NRXN3: variants seen among roughly 807,000 people sequenced by gnomAD.
NRXN3 encodes neurexin 3, also known as neurexin III.
In NRXN3, 32 loss-of-function variants were observed where a neutral mutation model predicts 137.6. That is an observed-to-expected ratio of 0.23 (90% CI 0.18 to 0.31). The LOEUF (loss-of-function observed/expected upper bound fraction) is 0.31, where lower values mean the gene tolerates loss of function less well. Among genes scored for constraint, NRXN3 ranks in the 10% least tolerant of loss-of-function variants. The pLI is 1.00. For missense variants in NRXN3, 1,574 were observed against 2,062.5 expected (o/e 0.76, Z 4.59); for synonymous variants, 798 against 784.5 (o/e 1.02, Z -0.29).
chr14:78,605,729 C>A (rs1451601475), intron 4 of NRXN3, among the ~76,000 whole-genome samples: 3 of 151,742 alleles, frequency 2.0e-5, no homozygotes, highest in Non-Finnish European at 4.4e-5. Context: ...AAAAATAAAA[C>A]AAAAAGAAGA....
chr14:79,624,806 TGTTTTTG>T (rs2098265746), intron 16 of NRXN3, among the ~76,000 whole-genome samples: 7 of 146,632 alleles, frequency 4.8e-5, no homozygotes, highest in African/African-American at 1.8e-4. Flanking sequence ...TTTTTTTGTT[TGTTTTTG>T]TTTTTTTTTA....
At chr14:79,800,994 G>A (rs2099177420) in intron 19 of NRXN3, among the ~76,000 whole-genome samples, 1 of 152,198 alleles carries the variant, frequency 6.6e-6, no homozygotes, top group Non-Finnish European at 1.5e-5. Flanking sequence ...TAAGGCCTCT[G>A]GCAGAGGAAG....
intron 4 of NRXN3, among the ~76,000 whole-genome samples, chr14:78,309,043 C>A (rs1041834525): frequency 1.2e-4 from 19 of 152,118 alleles, no homozygotes; most frequent in African/African-American, 4.6e-4. Context: ...AAACTCAAAT[C>A]AAATAGAGGC....
Position 78,197,742 on chromosome 14 carries a change from C to T in NRXN3, c.-704+27068C>T, listed in dbSNP as rs370661061. On this transcript the variant is annotated intron_variant, in intron 1 of 20. Transcript: ENST00000335750. Reference sequence around the variant, plus strand: ...GGGTATTCATGACCAAGTATTACTCCTTGGAGACATTACTGGGGTCATTTT... The same window carrying T: ...GGGTATTCATGACCAAGTATTACTCTTTGGAGACATTACTGGGGTCATTTT... Among the ~76,000 whole-genome samples, 19 of 152,298 alleles carry T rather than the reference C, an allele frequency of 1.2e-4. 1 individual carries two copies. The highest frequency in any genetic ancestry group is 1.2e-3 in the East Asian group (6 of 5,182).
intron 16 of NRXN3, among the ~76,000 whole-genome samples, chr14:79,483,441 G>C (rs1337951923): frequency 6.6e-6 from 1 of 152,202 alleles, no homozygotes; most frequent in Non-Finnish European, 1.5e-5. Context: ...TGGTGTCCCA[G>C]CACTTTGGGA....
intron 19 of NRXN3, among the ~76,000 whole-genome samples, chr14:79,784,599 CTTTTTGTTGTGTTGCTTTTTT>C (rs2099123552): frequency 8.7e-6 from 1 of 114,524 alleles, no homozygotes; most frequent in Non-Finnish European, 1.8e-5. Flanking sequence ...TTTGTAGGTA[CTTTTTGTTGTGTTGCTTTTTT>C]TTTTTTTTTT....
intron 15 of NRXN3, among the ~76,000 whole-genome samples, chr14:79,093,879 T>C (rs1415546329): frequency 1.3e-5 from 2 of 148,446 alleles, no homozygotes; most frequent in African/African-American, 5.0e-5. Flanking sequence ...TGACGAGTCA[T>C]ATATCATTCT....
intron 15 of NRXN3, among the ~76,000 whole-genome samples, chr14:79,100,636 G>T (rs921723870): frequency 2.0e-5 from 3 of 152,016 alleles, no homozygotes; most frequent in Non-Finnish European, 4.4e-5. Flanking sequence ...TTCTTGGTCT[G>T]CAGAGCTGCT....
In NRXN3 at chr14:78,966,106, T is replaced by G. The variant is rs763359846; in HGVS notation, c.2477T>G (p.Val826Gly). ...ATGACTGAGAAACGCTACATCTCCG[T>G]TGTCCCCTCCAGCTTTATTGGCCAT... The part of the protein sequence containing the change: ...GIMTEKRYIS[V>G]VPSSFIGHLQ... Residue 826 changes from valine to glycine, a missense_variant, in exon 12 of 21, where the codon GTT (valine) becomes GGT (glycine). Val to Gly is a moderately radical substitution (Grantham distance 109, BLOSUM62 -3). Around this residue, in one of 5 missense-constraint regions of NRXN3, gnomAD observed 718 missense variants for 887.6 expected, o/e 0.81. Coordinates refer to ENST00000335750, the MANE Select transcript of NRXN3 (RefSeq NM_001330195.2). 1.2e-6 allele frequency: 2 copies of G among 1,614,204 alleles called. No individual in the cohort carries two copies. Among genetic ancestry groups the G allele is most frequent in the Non-Finnish European group, 1.7e-6 (2 of 1,180,026 alleles).
chr14:78,753,603 A>T (rs1316690539), intron 8 of NRXN3: 2 of 152,204 alleles, frequency 1.3e-5, no homozygotes, highest in Non-Finnish European at 2.9e-5. Context: ...TTGAATGGTA[A>T]CTTGGGTCTA....
At chr14:78,327,607 C>A (rs1473366117) in intron 4 of NRXN3, among the ~76,000 whole-genome samples, 1 of 152,174 alleles carries the variant, frequency 6.6e-6, no homozygotes, top group East Asian at 1.9e-4. Context: ...TTGACTGATT[C>A]ATTTATTCAC....
chr14:78,395,347 T>TTTGTTG (rs767595257), intron 4 of NRXN3, among the ~76,000 whole-genome samples: 2 of 151,944 alleles, frequency 1.3e-5, no homozygotes, highest in Non-Finnish European at 2.9e-5. Flanking sequence ...TTTACTTGTT[T>TTTGTTG]TTGTTGTTGT....
intron 8 of NRXN3, among the ~76,000 whole-genome samples, chr14:78,783,848 C>T (rs1430811815): frequency 2.0e-5 from 3 of 151,994 alleles, no homozygotes; most frequent in African/African-American, 7.3e-5. Flanking sequence ...AAAGGGTGGT[C>T]ATCTTACCTG....
intron 20 of NRXN3, among the ~76,000 whole-genome samples, chr14:79,807,019 C>T (rs1278623159): frequency 5.4e-5 from 6 of 110,764 alleles, no homozygotes; most frequent in Non-Finnish European, 1.0e-4. Flanking sequence ...ACTCTGTCAC[C>T]TAGGCTGGAG....
chr14:79,426,581 T>G (rs915645530), intron 15 of NRXN3, among the ~76,000 whole-genome samples: 2 of 152,212 alleles, frequency 1.3e-5, no homozygotes, highest in Non-Finnish European at 2.9e-5. Context: ...CAGCCACCTA[T>G]AAAAACCAAC....
chr14:79,779,667 C>G (rs1253641878), intron 19 of NRXN3, among the ~76,000 whole-genome samples: 4 of 152,112 alleles, frequency 2.6e-5, no homozygotes, highest in Admixed American at 2.6e-4. Flanking sequence ...ACTCTCTCTA[C>G]CCCCATCCCA....
At chr14:78,480,604 T>A (rs1233437018) in intron 4 of NRXN3, among the ~76,000 whole-genome samples, 1 of 152,200 alleles carries the variant, frequency 6.6e-6, no homozygotes, top group African/African-American at 2.4e-5. Context: ...TATTTACTAT[T>A]TTTTTCACAT....
At chr14:79,162,485 T>C (rs187291161) in intron 15 of NRXN3, among the ~76,000 whole-genome samples, 62 of 152,074 alleles carry the variant, frequency 4.1e-4, no homozygotes, top group African/African-American at 1.4e-3. Flanking sequence ...TCATTTTTTA[T>C]GGCTGCATAG....
rs1200906826 is a variant in NRXN3, at chr14:79,358,601, A to AAG, written c.3263-108618_3263-108617dup. ...AAAGAAAGAGAGAAAGAAAGAAAGA[A>AAG]AGAAAGAGAAAGAAAGAAAGAAAGA... On this transcript the variant is annotated intron_variant, in intron 15 of 20. Coordinates refer to ENST00000335750, the MANE Select transcript of NRXN3 (RefSeq NM_001330195.2). Among the ~76,000 whole-genome samples the AAG allele has an allele frequency of 9.6e-3, 926 of 96,672 alleles. 9 individuals are homozygous for AAG. The highest frequency in any genetic ancestry group is 0.015 in the African/African-American group (421 of 28,786). The allele number at this position is 96,672 out of a possible 152,430, so 63.4% of individuals were successfully genotyped here.
Sources: allele counts gnomAD v4.1 joint callset (sites outside exome capture counted in the v4.1 genomes callset), GRCh38; gene constraint gnomAD v4.1.1; regional missense constraint gnomAD v4.1.1; transcripts MANE v1.5; gene names NCBI Gene and HGNC (gene_info 2026-07-23, HGNC 2026-07-21).